The following NRXN3 variants were observed in gnomAD, a reference collection of about 807,000 sequenced individuals.
NRXN3 encodes the protein neurexin 3.
Under a neutral mutation model 137.6 loss-of-function variants are expected in NRXN3, and 32 were observed. The ratio of observed to expected loss-of-function variants is 0.23; its 90% CI spans 0.18 to 0.31. The LOEUF (loss-of-function observed/expected upper bound fraction) is 0.31. NRXN3 is among the 10% of genes least tolerant of loss of function. The probability of loss-of-function intolerance (pLI) is 1.00; values close to 1 mark genes in which losing one functional copy is unlikely to be tolerated. For missense variants in NRXN3, 1,574 were observed against 2,062.5 expected (o/e 0.76, Z 4.59); for synonymous variants, 798 against 784.5 (o/e 1.02, Z -0.29).
At position 78,392,600 on chromosome 14, in the gene NRXN3, G is replaced by T. The variant is rs571393194; in HGVS notation, c.757+94740G>T. Reference sequence around the variant, plus strand: ...AGCCTAAATAAGACTGTAAAATGAGGATGATAATAGCATCCTTTTGAAATG... The same window carrying T: ...AGCCTAAATAAGACTGTAAAATGAGTATGATAATAGCATCCTTTTGAAATG... On this transcript the variant is annotated intron_variant, in intron 4 of 20. Coordinates refer to ENST00000335750, the MANE Select transcript of NRXN3 (RefSeq NM_001330195.2). 2.6e-5 allele frequency among the ~76,000 whole-genome samples: 4 copies of T among 152,276 alleles called. No homozygotes were observed. In the South Asian group the frequency reaches 8.3e-4, roughly 32 times the overall value.
chr14:79,234,134 C>T (rs900738844), intron 15 of NRXN3, among the ~76,000 whole-genome samples: 13 of 150,810 alleles, frequency 8.6e-5, no homozygotes, highest in African/African-American at 2.2e-4. Flanking sequence ...TGGGGCTGCA[C>T]CTTCAGCCCA....
chr14:79,025,299 A>G (rs1431023472), intron 15 of NRXN3, among the ~76,000 whole-genome samples: 5 of 152,160 alleles, frequency 3.3e-5, no homozygotes, highest in Admixed American at 1.3e-4. Flanking sequence ...GTTAAATACT[A>G]CTTTGACACA....
At chr14:79,835,944 T>G (rs556089254) in intron 20 of NRXN3, among the ~76,000 whole-genome samples, 4 of 152,150 alleles carry the variant, frequency 2.6e-5, no homozygotes, top group Non-Finnish European at 5.9e-5. Context: ...GGATGCAATT[T>G]AAATCCTGGC....
At chr14:79,380,375 G>GTGTGA (rs1269575967) in intron 15 of NRXN3, among the ~76,000 whole-genome samples, 3 of 147,174 alleles carry the variant, frequency 2.0e-5, no homozygotes, top group African/African-American at 7.6e-5. Flanking sequence ...AGTTCCCAGA[G>GTGTGA]TGTGATGTTC....
At chr14:78,842,932 T>A (rs2099016635) in intron 10 of NRXN3, among the ~76,000 whole-genome samples, 1 of 152,168 alleles carries the variant, frequency 6.6e-6, no homozygotes, top group Non-Finnish European at 1.5e-5. Context: ...CCTGTTCTTT[T>A]TTCAAGGTGC....
intron 14 of NRXN3, among the ~76,000 whole-genome samples, chr14:78,971,635 T>TTGAG (rs989548441): frequency 5.9e-5 from 9 of 152,084 alleles, no homozygotes; most frequent in Non-Finnish European, 8.8e-5. Flanking sequence ...ATTTTATTGA[T>TTGAG]TGAGTGAGTG....
intron 19 of NRXN3, among the ~76,000 whole-genome samples, chr14:79,788,633 C>G (rs1185566809): frequency 2.0e-4 from 31 of 152,188 alleles, no homozygotes; most frequent in Admixed American, 2.0e-3. Flanking sequence ...AGACTGAGCT[C>G]ATGTTTTCTG....
chr14:79,405,733 C>T (rs1047914530), intron 15 of NRXN3, among the ~76,000 whole-genome samples: 2 of 152,054 alleles, frequency 1.3e-5, no homozygotes, highest in Non-Finnish European at 2.9e-5. Context: ...ACAGCCTGCC[C>T]CTAAGTGTTT....
chr14:78,232,758 G>T lies in NRXN3; in HGVS notation c.-703-9633G>T, dbSNP rs1231373684. Among the ~76,000 whole-genome samples, 3 of 152,222 alleles carry T rather than the reference G, an allele frequency of 2.0e-5. No homozygotes were observed. In the East Asian group the frequency reaches 5.8e-4, roughly 29 times the overall value. ...TCCCAAGAGGGGAGGATCTTGAAGG[G>T]TGATTATCTTCATTATAAATTATTA... On this transcript the variant is annotated intron_variant, in intron 1 of 20. Transcript: ENST00000335750.
intron 1 of NRXN3, among the ~76,000 whole-genome samples, chr14:78,194,113 C>T (rs867601512): frequency 5.3e-5 from 8 of 152,328 alleles, no homozygotes; most frequent in East Asian, 1.9e-4. Flanking sequence ...CGACCCACAT[C>T]GGTCCCTTCC....
intron 15 of NRXN3, among the ~76,000 whole-genome samples, chr14:79,260,823 T>C (rs1384006742): frequency 1.3e-5 from 2 of 152,204 alleles, no homozygotes; most frequent in Non-Finnish European, 2.9e-5. Context: ...ATTCCCAATG[T>C]CCTAGTCAAG....
At chr14:78,605,740 A>G (rs2097245469) in intron 4 of NRXN3, among the ~76,000 whole-genome samples, 1 of 152,220 alleles carries the variant, frequency 6.6e-6, no homozygotes, top group Non-Finnish European at 1.5e-5. Flanking sequence ...AAAAAGAAGA[A>G]TCACATTTTA....
At chr14:79,808,253 A>ATATATATAT (rs1253566704) in intron 20 of NRXN3, among the ~76,000 whole-genome samples, 1 of 129,070 alleles carries the variant, frequency 7.7e-6, no homozygotes, top group East Asian at 2.1e-4. Context: ...AAAAAAAAAA[A>ATATATATAT]AAATATATAT....
At chr14:78,426,351 G>A (rs1276777363) in intron 4 of NRXN3, among the ~76,000 whole-genome samples, 1 of 152,184 alleles carries the variant, frequency 6.6e-6, no homozygotes, top group Admixed American at 6.5e-5. Flanking sequence ...CTTGACAGTA[G>A]GGACTCTGCA....
rs1299933754 is a variant in NRXN3, at chr14:78,761,452, G to A, written c.2045-42168G>A. Among the ~76,000 whole-genome samples, 7 of 152,084 alleles carry A rather than the reference G, an allele frequency of 4.6e-5. No homozygotes were observed. In the East Asian group the frequency reaches 1.3e-3, roughly 29 times the overall value. On this transcript the variant is annotated intron_variant, in intron 8 of 20. Transcript: ENST00000335750. ...GCGTAGGTGACTCTGATTTCCAGAG[G>A]GGATTTTGCAGTAAATCAATCCTTC...
intron 4 of NRXN3, among the ~76,000 whole-genome samples, chr14:78,636,039 C>T (rs2152551079): frequency 6.6e-6 from 1 of 152,254 alleles, no homozygotes; most frequent in Non-Finnish European, 1.5e-5. Flanking sequence ...CTGAATTTCT[C>T]CTGATACTTT....
At chr14:78,935,971 C>T (rs755697767) in intron 10 of NRXN3, among the ~76,000 whole-genome samples, 16 of 152,206 alleles carry the variant, frequency 1.1e-4, no homozygotes, top group Non-Finnish European at 1.9e-4. Flanking sequence ...TACCTCCTTT[C>T]TAAGTAAGTT....
intron 4 of NRXN3, among the ~76,000 whole-genome samples, chr14:78,377,541 C>T (rs1005109935): frequency 2.0e-5 from 3 of 152,188 alleles, no homozygotes; most frequent in African/African-American, 4.8e-5. Flanking sequence ...TATGAGTCTG[C>T]TAGGGATGCC....
At chr14:79,486,730 G>A (rs1484297805) in intron 16 of NRXN3, among the ~76,000 whole-genome samples, 1 of 152,222 alleles carries the variant, frequency 6.6e-6, no homozygotes, top group African/African-American at 2.4e-5. Flanking sequence ...TTCAACACAT[G>A]CAGAAAATAC....
Sources: allele counts gnomAD v4.1 joint callset (sites outside exome capture counted in the v4.1 genomes callset), GRCh38; gene constraint gnomAD v4.1.1; transcripts MANE v1.5; gene names NCBI Gene and HGNC (gene_info 2026-07-23, HGNC 2026-07-21).